TTLL5: variants seen among roughly 807,000 people sequenced by gnomAD.
The protein encoded by TTLL5 is tubulin tyrosine ligase like 5, also known as tubulin polyglutamylase TTLL5.
Under a neutral mutation model 168.4 loss-of-function variants are expected in TTLL5, and 132 were observed. That is an observed-to-expected ratio of 0.78 (90% CI 0.68 to 0.91). TTLL5 has a LOEUF of 0.91. Among genes scored for constraint, TTLL5 ranks in the 40% least tolerant of loss-of-function variants. The pLI is 0.00. For synonymous variants in TTLL5, 546 were observed against 558.6 expected, an observed-to-expected ratio of 0.98 and a Z score of 0.32; for missense variants, 1,545 against 1,581.5, an observed-to-expected ratio of 0.98 and a Z score of 0.39.
At chr14:75,796,484 A>G (rs1358105995) in intron 27 of TTLL5, among the ~76,000 whole-genome samples, 1 of 152,196 alleles carries the variant, frequency 6.6e-6, no homozygotes, top group Non-Finnish European at 1.5e-5. Flanking sequence ...GGTCTTGGCC[A>G]TGAAGTCTTT....
At chr14:75,934,721 T>G (rs762688399) in intron 31 of TTLL5, among the ~76,000 whole-genome samples, 1 of 152,066 alleles carries the variant, frequency 6.6e-6, no homozygotes, top group Admixed American at 6.6e-5. Flanking sequence ...TGAAAAAAAA[T>G]TATAGCTTTC....
chr14:75,918,680 T>C (rs939120151), intron 31 of TTLL5, among the ~76,000 whole-genome samples: 12 of 152,218 alleles, frequency 7.9e-5, no homozygotes, highest in African/African-American at 2.9e-4. Context: ...GAGTACAATA[T>C]AAAATTATGA....
intron 28 of TTLL5, among the ~76,000 whole-genome samples, chr14:75,826,796 G>A (rs923803044): frequency 2.0e-5 from 3 of 152,268 alleles, no homozygotes; most frequent in South Asian, 2.1e-4. Flanking sequence ...GATCACAGGC[G>A]TGATGAAACA....
At chr14:75,869,966 C>T (rs1025758955) in intron 29 of TTLL5, among the ~76,000 whole-genome samples, 21 of 151,848 alleles carry the variant, frequency 1.4e-4, no homozygotes, top group Admixed American at 1.4e-3. Flanking sequence ...ACTACAGGCG[C>T]ACACCACCAC....
In TTLL5 at chr14:75,954,963, A is replaced by G. The variant is rs2035062503; in HGVS notation, c.*517A>G. On this transcript the variant is annotated 3_prime_UTR_variant, in exon 32 of 32. Transcript: ENST00000298832. ...GATCTAGGGGGAAAGAGGAGCATTCATCACAAGTTTCCTAGAGAGAGGAGA... is the reference window on the plus strand; with the variant it reads ...GATCTAGGGGGAAAGAGGAGCATTCGTCACAAGTTTCCTAGAGAGAGGAGA... 6.5e-6 allele frequency: 1 copy of G among 153,008 alleles called. No homozygotes were observed. Among genetic ancestry groups the G allele is most frequent in the African/African-American group, 2.4e-5 (1 of 41,496 alleles). The allele number at this position is 153,008 out of a possible 1,614,324, so 9.5% of individuals were successfully genotyped here.
At chr14:75,744,949 C>A in intron 15 of TTLL5, 146 bp from the exon 16 acceptor site, 1 of 650,718 alleles carries the variant, frequency 1.5e-6, no homozygotes, top group South Asian at 2.1e-5. Context: ...GGGTTCCAGG[C>A]TGAGATTAAT....
At chr14:75,698,268 T>C (rs1347374540) in intron 6 of TTLL5, among the ~76,000 whole-genome samples, 1 of 152,220 alleles carries the variant, frequency 6.6e-6, no homozygotes, top group Non-Finnish European at 1.5e-5. Context: ...TTAGTGTCAG[T>C]TGTCTGCTTT....
chr14:75,717,686 G>T, intron 9 of TTLL5, 175 bp from the exon 10 acceptor site: 1 of 589,512 alleles, frequency 1.7e-6, no homozygotes. Flanking sequence ...TTTAAGGATT[G>T]AATTAAGTAT....
chr14:75,884,017 A>G (rs1304167253), intron 30 of TTLL5, among the ~76,000 whole-genome samples: 1 of 152,212 alleles, frequency 6.6e-6, no homozygotes, highest in African/African-American at 2.4e-5. Flanking sequence ...GTTACAAGTT[A>G]CTTAATCTCC....
chr14:75,893,326 G>A (rs191090498), intron 30 of TTLL5, among the ~76,000 whole-genome samples: 12 of 152,264 alleles, frequency 7.9e-5, no homozygotes, highest in African/African-American at 2.9e-4. Context: ...CATCATAGTA[G>A]CAAGAAACCA....
intron 31 of TTLL5, among the ~76,000 whole-genome samples, chr14:75,927,393 C>G (rs1196555102): frequency 6.6e-6 from 1 of 151,940 alleles, no homozygotes; most frequent in Admixed American, 6.6e-5. Context: ...CAATAAAAAC[C>G]ACCGAACTGT....
chr14:75,818,519 ACT>A (rs1297550983), intron 27 of TTLL5: 1 of 365,438 alleles, frequency 2.7e-6, no homozygotes, highest in African/African-American at 2.4e-5. Context: ...ATGGAGTCTC[ACT>A]CTGTCACCCA....
chr14:75,690,315 A>G lies in TTLL5; in HGVS notation c.495A>G (p.Glu165=), dbSNP rs1414028647. 1 of 1,606,144 alleles carries G rather than the reference A, an allele frequency of 6.2e-7. No individual in the cohort carries two copies. The highest frequency in any genetic ancestry group is 1.1e-5 in the South Asian group (1 of 89,476). The change falls in exon 6 of 32, where the codon GAA becomes GAG. Residue 165 remains glutamate (E), a synonymous_variant. Transcript: ENST00000298832. ...TCCTCCTGCCAGCTGAGTACGCGGAATTTTGTAGTAAGTGCTTGACAGAGA... is the reference window on the plus strand; with the variant it reads ...TCCTCCTGCCAGCTGAGTACGCGGAGTTTTGTAGTAAGTGCTTGACAGAGA... The part of the protein sequence containing the change: ...QTFLLPAEYA[E]FCNSYSKDRG...
chr14:75,938,597 G>A (rs746570400), intron 31 of TTLL5, among the ~76,000 whole-genome samples: 19 of 152,070 alleles, frequency 1.2e-4, no homozygotes, highest in Non-Finnish European at 1.5e-5. Flanking sequence ...TCCTTATTTG[G>A]CCCTTGTAGC....
intron 28 of TTLL5, among the ~76,000 whole-genome samples, chr14:75,841,221 A>G (rs1896221449): frequency 6.6e-6 from 1 of 152,208 alleles, no homozygotes; most frequent in Non-Finnish European, 1.5e-5. Flanking sequence ...GCCAAACCGT[A>G]TCACCTTCAT....
intron 28 of TTLL5, among the ~76,000 whole-genome samples, chr14:75,859,500 C>T (rs1897301050): frequency 6.6e-6 from 1 of 152,166 alleles, no homozygotes; most frequent in African/African-American, 2.4e-5. Flanking sequence ...ACAGAACCTT[C>T]CCACAGCTAA....
chr14:75,810,574 C>T (rs1893935212), intron 27 of TTLL5, among the ~76,000 whole-genome samples: 1 of 151,796 alleles, frequency 6.6e-6, no homozygotes, highest in African/African-American at 2.4e-5. Context: ...CTTATGTTGC[C>T]CAGGTTGGTC....
chr14:75,800,764 C>G (rs1893256469), intron 27 of TTLL5, among the ~76,000 whole-genome samples: 1 of 152,118 alleles, frequency 6.6e-6, no homozygotes, highest in Admixed American at 6.5e-5. Flanking sequence ...CCCAGCAGAG[C>G]TGCTGGGCTC....
intron 7 of TTLL5, among the ~76,000 whole-genome samples, chr14:75,700,493 T>C (rs1167714960): frequency 6.8e-6 from 1 of 147,500 alleles, no homozygotes; most frequent in African/African-American, 2.7e-5. Context: ...GCCAACACAC[T>C]GTGTATGAGG....
Sources: gnomAD v4.1 joint callset for allele counts (sites outside exome capture counted in the v4.1 genomes callset) on GRCh38, gnomAD v4.1.1 for gene constraint, MANE v1.5 for transcripts, NCBI Gene and HGNC (gene_info 2026-07-23, HGNC 2026-07-21) for gene names.